The following GCKR variants were observed in gnomAD, a reference collection of about 807,000 sequenced individuals.
GCKR encodes the protein glucokinase regulatory protein.
GCKR carries 73 observed loss-of-function variants against 82.9 expected under a neutral mutation model. The observed-to-expected ratio is 0.88, with a 90% CI of 0.73 to 1.07. The LOEUF (loss-of-function observed/expected upper bound fraction) is 1.07, where lower values mean the gene tolerates loss of function less well. GCKR is among the 50% of genes least tolerant of loss of function. GCKR has a pLI of 0.00. For missense variants in GCKR, 784 were observed against 782.1 expected (o/e 1.00, Z -0.03); for synonymous variants, 294 against 291.8 (o/e 1.01, Z -0.08).
intron 16 of GCKR, among the ~76,000 whole-genome samples, chr2:27,515,390 C>G (rs1443051460): frequency 3.9e-5 from 6 of 152,064 alleles, no homozygotes; most frequent in African/African-American, 1.2e-4. Flanking sequence ...ATCATCCCAC[C>G]TCAGCCTCCC....
At chr2:27,506,231 C>G in intron 10 of GCKR, among the ~76,000 whole-genome samples, 1 of 152,166 alleles carries the variant, frequency 6.6e-6, no homozygotes, top group Non-Finnish European at 1.5e-5. Context: ...CCCAGTGGCT[C>G]TCAGATCCTG....
At position 27,508,238 on chromosome 2, in the gene GCKR, G is replaced by C. The variant is rs1256998167; in HGVS notation, c.1409G>C (p.Gly470Ala). Reference sequence around the variant, plus strand: ...CCACTGCTTTTCTTTGAATATGAAGGGAACTTCATCCAGGTATGGGGAATG... The same window carrying C: ...CCACTGCTTTTCTTTGAATATGAAGCGAACTTCATCCAGGTATGGGGAATG... Reference protein sequence around the residue: ...TWPLLFFEYEGNFIQKFQREL... With the variant: ...TWPLLFFEYEANFIQKFQREL... The change falls in exon 16 of 19, where the codon GGG (glycine) becomes GCG (alanine). Residue 470 changes from glycine to alanine, a missense_variant. Gly to Ala is a moderately conservative substitution (Grantham distance 60, BLOSUM62 0). Transcript: ENST00000264717. The C allele has an allele frequency of 6.3e-7, 1 of 1,595,438 alleles. No individual in the cohort carries two copies. The highest frequency in any genetic ancestry group is 2.2e-5 in the East Asian group (1 of 44,782).
At chr2:27,515,256 G>A (rs1052013149) in intron 16 of GCKR, among the ~76,000 whole-genome samples, 29 of 151,340 alleles carry the variant, frequency 1.9e-4, no homozygotes, top group East Asian at 7.8e-4. Context: ...GATTACAGGC[G>A]TGAGCCACCA....
Position 27,507,327 on chromosome 2 carries a change from G to A in GCKR, c.1143+16G>A, listed in dbSNP as rs769089590. The A allele has an allele frequency of 6.4e-6, 10 of 1,552,874 alleles. No homozygotes were observed. The South Asian group carries it at 1.0e-4, about 16-fold the overall frequency. On this transcript the variant is annotated intron_variant, in intron 13 of 18. Transcript: ENST00000264717. The stretch of plus-strand genomic sequence containing the variant: ...CACCAACCAGGTCGGAGAAGAACAG[G>A]ACTTGGGGAAGCTGGGGAGACCACT...
At chr2:27,507,798 G>C (rs750055278) in intron 14 of GCKR, 21 bp downstream of exon 14, 2 of 1,390,444 alleles carry the variant, frequency 1.4e-6, no homozygotes, top group Non-Finnish European at 2.0e-6. Context: ...AGATGGGAGT[G>C]GTGAGGGGTG....
intron 8 of GCKR, among the ~76,000 whole-genome samples, chr2:27,502,677 G>T (rs550986087): frequency 5.1e-4 from 77 of 152,140 alleles, no homozygotes; most frequent in African/African-American, 1.8e-3. Context: ...TTATACAACG[G>T]GCATGAAATA....
At chr2:27,519,054 T>A in intron 17 of GCKR, 117 bp downstream of exon 17, 2 of 862,526 alleles carry the variant, frequency 2.3e-6, no homozygotes, top group Non-Finnish European at 3.8e-6. Context: ...CTTTTCTGTG[T>A]GCTTCTGCTC....
chr2:27,506,547 G>A lies in GCKR; in HGVS notation c.936G>A (p.Lys312=). Residue 312 remains lysine, a synonymous_variant, in exon 11 of 19, where the codon AAG becomes AAA. Transcript: ENST00000264717. ...AGGTGACCTACAGCCAAAGCCCCAA[G>A]ATTGCCACCCTGATGAAGAGTGTCA... ...AHQVTYSQSP[K]IATLMKSVST... is the part of the protein sequence containing the mutation. 2 of 1,613,532 alleles carry A rather than the reference G, an allele frequency of 1.2e-6. No individual in the cohort carries two copies. The highest frequency in any genetic ancestry group is 1.7e-6 in the Non-Finnish European group (2 of 1,179,450).
chr2:27,517,534 C>T (rs1670040317), intron 16 of GCKR, among the ~76,000 whole-genome samples: 1 of 152,098 alleles, frequency 6.6e-6, no homozygotes, highest in African/African-American at 2.4e-5. Context: ...ACGCCCCCTG[C>T]CCCCCATGAT....
intron 16 of GCKR, among the ~76,000 whole-genome samples, chr2:27,516,487 G>A (rs1670013882): frequency 6.6e-6 from 1 of 150,486 alleles, no homozygotes; most frequent in Non-Finnish European, 1.5e-5. Context: ...TAGAGATCAG[G>A]TTTCACCCTG....
At position 27,506,463 on chromosome 2, in the gene GCKR, TG is replaced by T; in HGVS notation, c.870-16del. 6.4e-7 allele frequency: 1 copy of T among 1,567,184 alleles called. No individual in the cohort carries two copies. Among genetic ancestry groups the T allele is most frequent in the Non-Finnish European group, 8.8e-7 (1 of 1,137,044 alleles). ...GGGGAATTGGGCCCTTCTTGAGAGC[TG>T]GTGGCTTTTCTCCCAGATGCCTCCT... On this transcript the variant is annotated splice_polypyrimidine_tract_variant and intron_variant, in intron 10 of 18. Transcript: ENST00000264717.
intron 9 of GCKR, among the ~76,000 whole-genome samples, chr2:27,504,832 A>G (rs892512657): frequency 1.3e-5 from 2 of 151,936 alleles, no homozygotes; most frequent in Non-Finnish European, 2.9e-5. Context: ...CTTGGAAAGA[A>G]ACACACTCTC....
intron 16 of GCKR, among the ~76,000 whole-genome samples, chr2:27,511,921 C>G (rs1353936359): frequency 6.6e-6 from 1 of 152,038 alleles, no homozygotes; most frequent in East Asian, 1.9e-4. Flanking sequence ...TTTGCTTCAT[C>G]TCTTTCTTTT....
At position 27,523,515 on chromosome 2, in the gene GCKR, A is replaced by G. The variant is rs1670202223; in HGVS notation, c.*76A>G. 1 of 1,448,826 alleles carries G rather than the reference A, an allele frequency of 6.9e-7. No homozygotes were observed. The highest frequency in any genetic ancestry group is 1.1e-5 in the South Asian group (1 of 87,524). The allele number at this position is 1,448,826 out of a possible 1,614,324, so 89.7% of individuals were successfully genotyped here. Reference sequence around the variant, plus strand: ...CAGCCCGCCCAAGGGGACTTGTGCCAGCAGAACATGTGGGAGGAAGAAGCC... The same window carrying G: ...CAGCCCGCCCAAGGGGACTTGTGCCGGCAGAACATGTGGGAGGAAGAAGCC... On this transcript the variant is annotated 3_prime_UTR_variant, in exon 19 of 19. Coordinates refer to ENST00000264717, the MANE Select transcript of GCKR (RefSeq NM_001486.4).
Position 27,503,565 on chromosome 2 carries a change from G to A in GCKR, c.696G>A (p.Arg232=), listed in dbSNP as rs1306221474. The change falls in exon 9 of 19, where the codon CGG becomes CGA. Residue 232 remains arginine (R), a synonymous_variant. Transcript: ENST00000264717. ...CAACATTCCGACAAGTAGCAGAGCG[G>A]ATGCAGAAAATGCAGGAGAAACAGA... The part of the protein sequence containing the change: ...WSSTFRQVAE[R]MQKMQEKQKA... 1 of 1,612,026 alleles carries A rather than the reference G, an allele frequency of 6.2e-7. No homozygotes were observed. The highest frequency in any genetic ancestry group is 1.7e-5 in the Admixed American group (1 of 60,016).
At chr2:27,520,763 C>T (rs13022659) in intron 17 of GCKR, among the ~76,000 whole-genome samples, 54,798 of 152,022 alleles carry the variant, frequency 0.36, 10,332 homozygotes, top group South Asian at 0.46. Context: ...TGGCTGGGCA[C>T]GGTGGCTCAC....
At chr2:27,498,420 C>G in intron 4 of GCKR, 97 bp downstream of exon 4, 1 of 893,326 alleles carries the variant, frequency 1.1e-6, no homozygotes, top group Admixed American at 1.9e-5. Context: ...AGGTGGCCCC[C>G]TCACTAGACC....
At chr2:27,499,526 G>T in intron 7 of GCKR, 76 bp downstream of exon 7, 1 of 1,029,560 alleles carries the variant, frequency 9.7e-7, no homozygotes, top group South Asian at 1.3e-5. Flanking sequence ...ATGGAAGATA[G>T]ATCAATGAGA....
chr2:27,501,694 C>G (rs1057099606), intron 8 of GCKR: 4 of 470,286 alleles, frequency 8.5e-6, no homozygotes, highest in African/African-American at 6.0e-5. Flanking sequence ...TTCCAGGCAC[C>G]CCTTTCCTCC....
Sources: gnomAD v4.1 joint callset for allele counts (sites outside exome capture counted in the v4.1 genomes callset) on GRCh38, gnomAD v4.1.1 for gene constraint, MANE v1.5 for transcripts, NCBI Gene and HGNC (gene_info 2026-07-23, HGNC 2026-07-21) for gene names.